The following MICU2 variants were observed in gnomAD, a reference collection of about 807,000 sequenced individuals.
The protein encoded by MICU2 is calcium uptake protein 2, mitochondrial.
In MICU2, 64 loss-of-function variants were observed where a neutral mutation model predicts 60.4. That is an observed-to-expected ratio of 1.06 (90% CI 0.87 to 1.31). The LOEUF is 1.31. Among genes scored for constraint, MICU2 ranks in the 50% most tolerant of loss-of-function variants. The pLI is 0.00. For missense variants in MICU2, 569 were observed against 531.0 expected, an observed-to-expected ratio of 1.07 and a Z score of -0.70; for synonymous variants, 201 against 175.0, an observed-to-expected ratio of 1.15 and a Z score of -1.17.
chr13:21,596,136 C>T (rs11148172), intron 1 of MICU2, among the ~76,000 whole-genome samples: 52,695 of 152,114 alleles, frequency 0.35, 10,025 homozygotes, highest in Non-Finnish European at 0.42. Flanking sequence ...CACGTCTCCT[C>T]TTTTGATTGT....
intron 1 of MICU2, among the ~76,000 whole-genome samples, chr13:21,593,570 G>GT (rs1323006684): frequency 1.8e-4 from 1 of 5,690 alleles, no homozygotes; most frequent in Non-Finnish European, 3.3e-4. Context: ...ACAATCCTAA[G>GT]CAAAAAAAAA....
At chr13:21,503,435 T>C (rs1886227526) in intron 8 of MICU2, among the ~76,000 whole-genome samples, 1 of 152,202 alleles carries the variant, frequency 6.6e-6, no homozygotes, top group South Asian at 2.1e-4. Flanking sequence ...CCATGGAAAC[T>C]ATTTTCCAAT....
chr13:21,514,698 A>AT (rs71202422), intron 6 of MICU2, among the ~76,000 whole-genome samples: 2,682 of 141,136 alleles, frequency 0.019, 68 homozygotes, highest in African/African-American at 0.06. Flanking sequence ...ACTCCCGTTA[A>AT]TTTTTTTTTT....
intron 1 of MICU2, among the ~76,000 whole-genome samples, chr13:21,594,864 AC>A (rs1376307944): frequency 6.6e-6 from 1 of 151,738 alleles, no homozygotes; most frequent in African/African-American, 2.4e-5. Flanking sequence ...AACAACACAC[AC>A]CCGGGCCTGT....
At chr13:21,548,858 G>A (rs555991990) in intron 2 of MICU2, among the ~76,000 whole-genome samples, 3 of 151,006 alleles carry the variant, frequency 2.0e-5, no homozygotes, top group Admixed American at 1.3e-4. Context: ...TTCTATCGCC[G>A]TATCTCAGAC....
intron 4 of MICU2, among the ~76,000 whole-genome samples, chr13:21,535,431 A>G (rs962858915): frequency 1.3e-5 from 2 of 152,220 alleles, no homozygotes; most frequent in Non-Finnish European, 2.9e-5. Flanking sequence ...ATGCTTCCAG[A>G]AAAGTCTATA....
intron 4 of MICU2, among the ~76,000 whole-genome samples, chr13:21,530,399 A>AT (rs1886962822): frequency 6.6e-6 from 1 of 151,164 alleles, no homozygotes; most frequent in Non-Finnish European, 1.5e-5. Context: ...GGAAAATCCT[A>AT]TTTTTCTAAT....
At chr13:21,585,028 C>T (rs1210402334) in intron 1 of MICU2, among the ~76,000 whole-genome samples, 1 of 152,100 alleles carries the variant, frequency 6.6e-6, no homozygotes, top group African/African-American at 2.4e-5. Flanking sequence ...TGTTCTTTCC[C>T]CCAGAAGAGT....
Position 21,493,155 on chromosome 13 carries a change from A to G in MICU2, c.*94T>C, listed in dbSNP as rs955959919. On this transcript the variant is annotated 3_prime_UTR_variant, in exon 12 of 12. Transcript: ENST00000382374. The stretch of plus-strand genomic sequence containing the variant: ...CATGCTTATTTCACACAGAATATCA[A>G]TGAAGACTTAAGAAGATAAATAGCA... The G allele has an allele frequency of 1.3e-5, 9 of 685,992 alleles. No individual in the cohort carries two copies. The African/African-American group carries it at 1.5e-4, about 11-fold the overall frequency. 42.5% of individuals were successfully genotyped at this position (685,992 alleles called of 1,614,324 possible). A position where few individuals can be genotyped will look rare whatever the true frequency, so the allele number is the denominator to read the frequency against.
At chr13:21,525,470 C>T (rs1226359471) in intron 4 of MICU2, among the ~76,000 whole-genome samples, 4 of 151,898 alleles carry the variant, frequency 2.6e-5, no homozygotes, top group Admixed American at 2.0e-4. Context: ...GGACTACAGG[C>T]GTGAGCCACC....
chr13:21,493,314 C>T lies in MICU2; in HGVS notation c.1240G>A (p.Val414Met), dbSNP rs759333082. Residue 414 changes from valine to methionine, a missense_variant, in exon 12 of 12, where the codon GTG (valine) becomes ATG (methionine). Coordinates refer to ENST00000382374, the MANE Select transcript of MICU2 (RefSeq NM_152726.3). ...HQSIQEYWKCVKKESIKGVKE... is the reference protein window; with the variant it reads ...HQSIQEYWKCMKKESIKGVKE... ...ACTCCTTTAATGCTTTCTTTCTTCACACACTTCCAGTATTCTTGTATACTC... is the reference window on the plus strand; with the variant it reads ...ACTCCTTTAATGCTTTCTTTCTTCATACACTTCCAGTATTCTTGTATACTC... 6.2e-7 allele frequency: 1 copy of T among 1,610,798 alleles called. No individual in the cohort carries two copies. Among genetic ancestry groups the T allele is most frequent in the South Asian group, 1.1e-5 (1 of 90,294 alleles).
intron 8 of MICU2, among the ~76,000 whole-genome samples, chr13:21,508,843 T>C (rs1886358654): frequency 1.3e-5 from 2 of 152,212 alleles, no homozygotes; most frequent in South Asian, 4.1e-4. Flanking sequence ...CCTTCCCTGA[T>C]CACCTAGTCC....
At chr13:21,512,527 G>A (rs1886458110) in intron 7 of MICU2, among the ~76,000 whole-genome samples, 1 of 147,252 alleles carries the variant, frequency 6.8e-6, no homozygotes, top group Non-Finnish European at 1.5e-5. Context: ...GGCTCCCTGC[G>A]AGCTCCGCCT....
intron 1 of MICU2, among the ~76,000 whole-genome samples, chr13:21,598,279 TATTC>T (rs765628430): frequency 1.4e-4 from 22 of 152,152 alleles, no homozygotes; most frequent in Non-Finnish European, 1.5e-5. Flanking sequence ...GTAAATGAAA[TATTC>T]ATGCAATTAA....
At chr13:21,500,076 G>C (rs1383959086) in intron 9 of MICU2, among the ~76,000 whole-genome samples, 1 of 152,166 alleles carries the variant, frequency 6.6e-6, no homozygotes, top group African/African-American at 2.4e-5. Flanking sequence ...AAAACATTCA[G>C]ATCACTAAGA....
intron 2 of MICU2, among the ~76,000 whole-genome samples, chr13:21,555,401 C>T (rs1887682675): frequency 6.6e-6 from 1 of 152,118 alleles, no homozygotes; most frequent in Non-Finnish European, 1.5e-5. Context: ...AGCATATAAA[C>T]AGAACCAAAG....
At chr13:21,564,811 AC>A (rs1399424895) in intron 2 of MICU2, among the ~76,000 whole-genome samples, 2 of 152,120 alleles carry the variant, frequency 1.3e-5, no homozygotes, top group Non-Finnish European at 2.9e-5. Context: ...CACTGTGAGA[AC>A]CTGGCAGAGT....
chr13:21,576,825 T>G (rs1305537276), intron 1 of MICU2, among the ~76,000 whole-genome samples: 3 of 152,176 alleles, frequency 2.0e-5, no homozygotes, highest in Non-Finnish European at 4.4e-5. Context: ...ATACAAAATT[T>G]GCTTAAATAC....
chr13:21,602,797 G>A (rs954987586), intron 1 of MICU2: 2 of 151,810 alleles, frequency 1.3e-5, no homozygotes, highest in Non-Finnish European at 2.9e-5. Context: ...TGAGTTTTTC[G>A]CTAGAAAGGC....
Sources: gnomAD v4.1 joint callset for allele counts (sites outside exome capture counted in the v4.1 genomes callset) on GRCh38, gnomAD v4.1.1 for gene constraint, MANE v1.5 for transcripts, NCBI Gene and HGNC (gene_info 2026-07-23, HGNC 2026-07-21) for gene names.